RNF216: variants seen among roughly 807,000 people sequenced by gnomAD.
RNF216 encodes ring finger protein 216.
In RNF216, 72 loss-of-function variants were observed where a neutral mutation model predicts 110.8. The ratio of observed to expected loss-of-function variants is 0.65; its 90% CI spans 0.54 to 0.79. The LOEUF is 0.79. Among genes scored for constraint, RNF216 ranks in the 30% least tolerant of loss-of-function variants. RNF216 has a pLI of 0.00. For missense variants in RNF216, 1,342 were observed against 1,141.2 expected (o/e 1.18, Z -2.54); for synonymous variants, 495 against 407.5 (o/e 1.21, Z -2.59).
intron 5 of RNF216, among the ~76,000 whole-genome samples, chr7:5,737,763 T>C (rs1190601304): frequency 2.0e-5 from 3 of 152,006 alleles, no homozygotes; most frequent in African/African-American, 7.3e-5. Context: ...ATAGGAACTT[T>C]GGGGAAAGGT....
chr7:5,657,868 C>T (rs1352269198), intron 13 of RNF216, among the ~76,000 whole-genome samples: 1 of 152,212 alleles, frequency 6.6e-6, no homozygotes, highest in Non-Finnish European at 1.5e-5. Flanking sequence ...CAGGTAGATT[C>T]AGTGAACTTT....
intron 1 of RNF216, among the ~76,000 whole-genome samples, chr7:5,773,479 G>C (rs1796609145): frequency 6.6e-6 from 1 of 151,738 alleles, no homozygotes; most frequent in Non-Finnish European, 1.5e-5. Context: ...CTGACCTCGT[G>C]ATTTCCCCGC....
chr7:5,656,247 C>A (rs1323427604), intron 13 of RNF216, among the ~76,000 whole-genome samples: 1 of 152,110 alleles, frequency 6.6e-6, no homozygotes. Flanking sequence ...CCAGCCTGGG[C>A]GGCAGAGCAA....
chr7:5,712,217 C>T (rs1312921234), intron 12 of RNF216, among the ~76,000 whole-genome samples: 4 of 152,204 alleles, frequency 2.6e-5, no homozygotes, highest in South Asian at 2.1e-4. Flanking sequence ...CGGTGGCTCA[C>T]GCCTGTAGTC....
chr7:5,714,562 T>C (rs890701037), intron 11 of RNF216, among the ~76,000 whole-genome samples: 1 of 152,170 alleles, frequency 6.6e-6, no homozygotes, highest in Non-Finnish European at 1.5e-5. Flanking sequence ...CAAAAAGTCA[T>C]CTTCTTAATC....
Position 5,721,020 on chromosome 7 carries a change from C to A in RNF216, c.1644+13G>T, listed in dbSNP as rs1793386274. Reference sequence around the variant, plus strand: ...CCAGAAACACACCCCAAGACCAGAGCACATCTTCCTACCTCTGCCATCTCT... The same window carrying A: ...CCAGAAACACACCCCAAGACCAGAGAACATCTTCCTACCTCTGCCATCTCT... On this transcript the variant is annotated intron_variant, in intron 9 of 16. Coordinates refer to ENST00000389902, the MANE Select transcript of RNF216 (RefSeq NM_207111.4). 6.2e-7 allele frequency: 1 copy of A among 1,613,942 alleles called. No individual in the cohort carries two copies. The highest frequency in any genetic ancestry group is 1.3e-5 in the African/African-American group (1 of 75,024).
chr7:5,742,586 C>CT (rs59545890), intron 3 of RNF216, among the ~76,000 whole-genome samples: 2,087 of 66,056 alleles, frequency 0.032, 299 homozygotes, highest in East Asian at 0.059. Context: ...GGTGAAAAAT[C>CT]TTTTTTTTTT....
chr7:5,733,900 T>C (rs1010550281), intron 5 of RNF216, among the ~76,000 whole-genome samples: 18 of 152,250 alleles, frequency 1.2e-4, no homozygotes, highest in Admixed American at 9.8e-4. Flanking sequence ...AGTAGAAGCC[T>C]ACAAGAAAGT....
intron 1 of RNF216, among the ~76,000 whole-genome samples, chr7:5,777,107 AG>A (rs987288066): frequency 1.8e-4 from 27 of 152,112 alleles, no homozygotes; most frequent in Admixed American, 6.6e-4. Flanking sequence ...CTACACGTGG[AG>A]GGAAAGAGCC....
chr7:5,768,827 A>T (rs139552996), intron 1 of RNF216, among the ~76,000 whole-genome samples: 4 of 150,078 alleles, frequency 2.7e-5, no homozygotes, highest in Non-Finnish European at 5.9e-5. Flanking sequence ...ACGCCCGGCT[A>T]TTTTTTTGTA....
Position 5,741,043 on chromosome 7 carries a change from A to C in RNF216, c.974T>G (p.Leu325Trp), listed in dbSNP as rs1402056982. The change falls in exon 4 of 17, where the codon TTG (leucine) becomes TGG (tryptophan). Residue 325 changes from leucine (L) to tryptophan (W), a missense_variant. Physicochemically the swap from Leu to Trp is moderately conservative, Grantham distance 61. Transcript: ENST00000389902. ...AGCTTCTTGCCCCCAAATGTTTTCC[A>C]AATTGGGCTCTTGAGATTCTTGCAT... ...FPMQESQEPN[L>W]ENIWGQEAAE... The C allele has an allele frequency of 1.2e-6, 2 of 1,614,044 alleles. No homozygotes were observed. Among genetic ancestry groups the C allele is most frequent in the Admixed American group, 3.3e-5 (2 of 60,002 alleles).
intron 14 of RNF216, 60 bp from the exon 15 acceptor site, chr7:5,641,436 CCATTAAG>C: frequency 1.1e-5 from 14 of 1,303,518 alleles, no homozygotes; most frequent in Non-Finnish European, 1.4e-5. Context: ...AAAAATATGG[CCATTAAG>C]CATTTATTTA....
rs543880461 is a variant in RNF216, at chr7:5,647,412, C to T, written c.2159+5001G>A. 2.0e-4 allele frequency among the ~76,000 whole-genome samples: 30 copies of T among 146,344 alleles called. No homozygotes were observed. The South Asian group carries it at 3.4e-3, about 17-fold the overall frequency. On this transcript the variant is annotated intron_variant, in intron 14 of 16. Transcript: ENST00000389902. ...ACACTTGTACAATCATGGCTTACTG[C>T]GGCCTCGAACTCCTGGGTTCAAGGG...
chr7:5,735,865 C>T lies in RNF216; in HGVS notation c.1121+3411G>A, dbSNP rs531637168. On this transcript the variant is annotated intron_variant, in intron 5 of 16. Transcript: ENST00000389902. ...ATCCCAGCACTTTGGGAGGCCGAGG[C>T]AGATGGATCACCTGAGGTCAGGAGT... 1.3e-4 allele frequency among the ~76,000 whole-genome samples: 20 copies of T among 152,250 alleles called. No individual in the cohort carries two copies. The South Asian group carries it at 4.1e-3, about 32-fold the overall frequency.
intron 14 of RNF216, chr7:5,650,008 G>A (rs1403016510): frequency 6.6e-6 from 1 of 152,208 alleles, no homozygotes; most frequent in Non-Finnish European, 1.5e-5. Flanking sequence ...TGGTGAACAG[G>A]AAGTAGCAGT....
chr7:5,764,268 A>G (rs1384222831), intron 1 of RNF216, among the ~76,000 whole-genome samples: 1 of 152,108 alleles, frequency 6.6e-6, no homozygotes, highest in Non-Finnish European at 1.5e-5. Context: ...TGGTGAAACT[A>G]TACAGGCTAT....
chr7:5,716,918 TAA>T (rs2128633082), intron 9 of RNF216, 152 bp from the exon 10 acceptor site: 2 of 536,000 alleles, frequency 3.7e-6, no homozygotes, highest in East Asian at 5.9e-5. Context: ...GAATAAATTT[TAA>T]GTGGATCAGA....
intron 13 of RNF216, among the ~76,000 whole-genome samples, chr7:5,702,489 A>G (rs1437435322): frequency 1.3e-5 from 2 of 152,180 alleles, no homozygotes; most frequent in Non-Finnish European, 2.9e-5. Context: ...TAATCACTGA[A>G]ACAGCAAGCA....
chr7:5,738,572 C>G (rs6463511), intron 5 of RNF216, among the ~76,000 whole-genome samples: 147,531 of 151,966 alleles, frequency 0.97, 71,647 homozygotes, highest in Middle Eastern at 0.99. Flanking sequence ...GCCAGGCGTG[C>G]TGGCAGGCGC....
Sources: allele counts gnomAD v4.1 joint callset (sites outside exome capture counted in the v4.1 genomes callset), GRCh38; gene constraint gnomAD v4.1.1; transcripts MANE v1.5; gene names NCBI Gene and HGNC (gene_info 2026-07-23, HGNC 2026-07-21).